ANKUB1: variants seen among roughly 807,000 people sequenced by gnomAD.
The protein encoded by ANKUB1 is protein ANKUB1.
ANKUB1 carries 42 observed loss-of-function variants against 49.3 expected under a neutral mutation model. The observed-to-expected ratio is 0.85, with a 90% CI of 0.67 to 1.10. ANKUB1 has a LOEUF of 1.10. Among genes scored for constraint, ANKUB1 ranks in the 50% least tolerant of loss-of-function variants. The pLI, the probability that ANKUB1 is intolerant of heterozygous loss-of-function variation, is 0.00. For missense variants in ANKUB1, 613 were observed against 642.0 expected, an observed-to-expected ratio of 0.95 and a Z score of 0.49; for synonymous variants, 222 against 231.0, an observed-to-expected ratio of 0.96 and a Z score of 0.35.
chr3:149,767,956 G>T lies in ANKUB1; in HGVS notation c.706C>A (p.His236Asn), dbSNP rs916445606. ...PYRAWCHEALHADVSKCPIHA... is the reference protein window; with the variant it reads ...PYRAWCHEALNADVSKCPIHA... ...ATGGGGCATTTAGAGACATCTGCATGAAGGGCTTCATGGCACCATGCTCGA... is the reference window on the plus strand; with the variant it reads ...ATGGGGCATTTAGAGACATCTGCATTAAGGGCTTCATGGCACCATGCTCGA... The change falls in exon 5 of 6, where the codon CAT (histidine) becomes AAT (asparagine). Residue 236 changes from histidine (H) to asparagine (N), a missense_variant. By Grantham distance (68) the His-to-Asn change is moderately conservative. Coordinates refer to ENST00000446160, the MANE Select transcript of ANKUB1 (RefSeq NM_001144960.3). 1 of 1,545,090 alleles carries T rather than the reference G, an allele frequency of 6.5e-7. No homozygotes were observed. The highest frequency in any genetic ancestry group is 8.8e-7 in the Non-Finnish European group (1 of 1,141,706).
At chr3:149,768,854 G>C (rs935593037) in intron 4 of ANKUB1, among the ~76,000 whole-genome samples, 12 of 152,156 alleles carry the variant, frequency 7.9e-5, no homozygotes, top group Non-Finnish European at 1.6e-4. Context: ...ACATGGGGCA[G>C]GTTTTCTGAT....
At chr3:149,764,514 C>T (rs1468068356) in intron 5 of ANKUB1, among the ~76,000 whole-genome samples, 1 of 152,040 alleles carries the variant, frequency 6.6e-6, no homozygotes, top group African/African-American at 2.4e-5. Flanking sequence ...GACCACCACT[C>T]CCCCTATGGG....
At chr3:149,788,382 ACTC>A (rs753995624) in intron 2 of ANKUB1, among the ~76,000 whole-genome samples, 3 of 144,344 alleles carry the variant, frequency 2.1e-5, no homozygotes, top group Non-Finnish European at 4.5e-5. Flanking sequence ...TCTTGAATAA[ACTC>A]CTCTTTTTTT....
At chr3:149,777,617 G>A (rs1321780715) in intron 3 of ANKUB1, among the ~76,000 whole-genome samples, 1 of 152,150 alleles carries the variant, frequency 6.6e-6, no homozygotes, top group East Asian at 1.9e-4. Flanking sequence ...GTTTCCCAGT[G>A]CTCTCAGCAA....
chr3:149,770,988 A>T (rs1189041062), intron 3 of ANKUB1, among the ~76,000 whole-genome samples: 1 of 152,224 alleles, frequency 6.6e-6, no homozygotes, highest in Non-Finnish European at 1.5e-5. Context: ...TTACCATGTA[A>T]ACTGAAGCCA....
chr3:149,779,419 T>C (rs1286162080), intron 3 of ANKUB1: 1 of 152,088 alleles, frequency 6.6e-6, no homozygotes, highest in East Asian at 1.9e-4. Flanking sequence ...ATCCCCCCTC[T>C]CTTGGCCTCC....
Position 149,792,547 on chromosome 3 carries a change from G to C in ANKUB1, c.-181C>G. 1 of 410,162 alleles carries C rather than the reference G, an allele frequency of 2.4e-6. No homozygotes were observed. Among genetic ancestry groups the C allele is most frequent in the Non-Finnish European group, 4.3e-6 (1 of 232,312 alleles). 25.4% of individuals were successfully genotyped at this position (410,162 alleles called of 1,614,324 possible). A position where few individuals can be genotyped will look rare whatever the true frequency, so the allele number is the denominator to read the frequency against. On this transcript the variant is annotated 5_prime_UTR_variant, in exon 1 of 6. Coordinates refer to ENST00000446160, the MANE Select transcript of ANKUB1 (RefSeq NM_001144960.3). ...CTAGTCCCACAGTGCCACAGTATCA[G>C]GCAACACAGACACCAGCTACTTTGG...
At chr3:149,787,652 T>C (rs1206006936) in intron 2 of ANKUB1, among the ~76,000 whole-genome samples, 3 of 152,214 alleles carry the variant, frequency 2.0e-5, no homozygotes, top group African/African-American at 7.2e-5. Flanking sequence ...CCACTATTCT[T>C]GTATTACCCT....
At chr3:149,784,852 A>G (rs1408607318) in intron 2 of ANKUB1, among the ~76,000 whole-genome samples, 2 of 152,212 alleles carry the variant, frequency 1.3e-5, no homozygotes, top group South Asian at 4.1e-4. Context: ...AGACAATCAT[A>G]TACCATCTTG....
At position 149,768,057 on chromosome 3, in the gene ANKUB1, C is replaced by G; in HGVS notation, c.605G>C (p.Cys202Ser). The change falls in exon 5 of 6, where the codon TGT becomes TCT. Residue 202 changes from cysteine to serine, a missense_variant. By Grantham distance (112) the Cys-to-Ser change is moderately radical (BLOSUM62 -1). Transcript: ENST00000446160. Reference sequence around the variant, plus strand: ...CCATTCAGTGAGTTCAATGTACCCACAAAAAGCAGCAATGTACAGGGCTAC... The same window carrying G: ...CCATTCAGTGAGTTCAATGTACCCAGAAAAAGCAGCAATGTACAGGGCTAC... ...KRVALYIAAFCGYIELTEWAL... is the reference protein window; with the variant it reads ...KRVALYIAAFSGYIELTEWAL... The G allele has an allele frequency of 2.8e-6, 4 of 1,449,052 alleles. No individual in the cohort carries two copies. The highest frequency in any genetic ancestry group is 3.7e-6 in the Non-Finnish European group (4 of 1,095,824). The allele number at this position is 1,449,052 out of a possible 1,614,324, so 89.8% of individuals were successfully genotyped here. A position where few individuals can be genotyped will look rare whatever the true frequency, so the allele number is the denominator to read the frequency against.
At chr3:149,775,241 C>G (rs2108270517) in intron 3 of ANKUB1, among the ~76,000 whole-genome samples, 1 of 152,276 alleles carries the variant, frequency 6.6e-6, no homozygotes, top group African/African-American at 2.4e-5. Flanking sequence ...ACATGCCTAT[C>G]TGATTTGGAC....
chr3:149,787,872 T>A (rs1412563083), intron 2 of ANKUB1, among the ~76,000 whole-genome samples: 1 of 152,228 alleles, frequency 6.6e-6, no homozygotes, highest in Non-Finnish European at 1.5e-5. Flanking sequence ...TATTTTGGAT[T>A]TATTTCATGA....
chr3:149,766,740 A>G (rs1027346133), intron 5 of ANKUB1: 2 of 802,110 alleles, frequency 2.5e-6, no homozygotes, highest in African/African-American at 1.7e-5. Flanking sequence ...CAAGAATGCA[A>G]TGAGCTGTGA....
Position 149,761,349 on chromosome 3 carries a change from T to G in ANKUB1, c.*135A>C. The G allele has an allele frequency of 9.8e-7, 1 of 1,024,874 alleles. No individual in the cohort carries two copies. The highest frequency in any genetic ancestry group is 1.4e-6 in the Non-Finnish European group (1 of 729,106). 63.5% of individuals were successfully genotyped at this position (1,024,874 alleles called of 1,614,324 possible). A position where few individuals can be genotyped will look rare whatever the true frequency, so the allele number is the denominator to read the frequency against. On this transcript the variant is annotated 3_prime_UTR_variant, in exon 6 of 6. Transcript: ENST00000446160. ...GTCTGAGAAAACATGGTGTTAAATA[T>G]CCTATTAAAAGTTATGTGGCATTAT...
At chr3:149,780,527 C>A (rs960265024) in intron 2 of ANKUB1, 72 bp from the exon 3 acceptor site, 9 of 1,127,340 alleles carry the variant, frequency 8.0e-6, no homozygotes, top group African/African-American at 3.1e-5. Context: ...CAGAGGGTAG[C>A]TTTGAGCACC....
At position 149,770,601 on chromosome 3, in the gene ANKUB1, A is replaced by G; in HGVS notation, c.525T>C (p.Leu175=). 1.3e-6 allele frequency: 2 copies of G among 1,550,460 alleles called. No individual in the cohort carries two copies. The highest frequency in any genetic ancestry group is 1.7e-6 in the Non-Finnish European group (2 of 1,146,546). The change falls in exon 4 of 6, where the codon CTT becomes CTC. Residue 175 remains leucine, a synonymous_variant. Transcript: ENST00000446160. ...FLMGCLLGQK[L]KVQRYLSKEG... is the part of the protein sequence containing the mutation. ...CTTTTGATAAGTAGCGTTGGACTTT[A>G]AGTTTTTGTCCAAGGAGACAACCCA...
intron 2 of ANKUB1, among the ~76,000 whole-genome samples, chr3:149,787,629 C>G (rs1029591360): frequency 6.6e-6 from 1 of 152,088 alleles, no homozygotes; most frequent in South Asian, 2.1e-4. Flanking sequence ...GGTGAGAATA[C>G]AATGTTCTTT....
At chr3:149,780,534 C>T in intron 2 of ANKUB1, 79 bp from the exon 3 acceptor site, 1 of 1,052,476 alleles carries the variant, frequency 9.5e-7, no homozygotes, top group Admixed American at 2.0e-5. Flanking sequence ...TAGCTTTGAG[C>T]ACCTCTAGCT....
At position 149,791,225 on chromosome 3, in the gene ANKUB1, C is replaced by A. The variant is rs200681981; in HGVS notation, c.91-301G>T. ...TAGTCGCTGTACCTGTGACTGACAC[C>A]AATAGAAGTCACAGATGTTTTCATA... On this transcript the variant is annotated intron_variant, in intron 1 of 5. Transcript: ENST00000446160. Among the ~76,000 whole-genome samples, 17 of 152,176 alleles carry A rather than the reference C, an allele frequency of 1.1e-4. No homozygotes were observed. The East Asian group carries it at 3.3e-3, about 29-fold the overall frequency.
Sources: allele counts gnomAD v4.1 joint callset (sites outside exome capture counted in the v4.1 genomes callset), GRCh38; gene constraint gnomAD v4.1.1; transcripts MANE v1.5; gene names NCBI Gene and HGNC (gene_info 2026-07-23, HGNC 2026-07-21).